TMEM67: variants seen among roughly 807,000 people sequenced by gnomAD.
TMEM67 encodes the protein meckelin.
In TMEM67, 124 loss-of-function variants were observed where a neutral mutation model predicts 136.6. That is an observed-to-expected ratio of 0.91 (90% CI 0.78 to 1.05). TMEM67 has a LOEUF of 1.05. TMEM67 is among the 50% of genes least tolerant of loss of function. The pLI, the probability that TMEM67 is intolerant of heterozygous loss-of-function variation, is 0.00. For synonymous variants in TMEM67, 364 were observed against 390.5 expected, an observed-to-expected ratio of 0.93 and a Z score of 0.80; for missense variants, 1,107 against 1,178.4, an observed-to-expected ratio of 0.94 and a Z score of 0.89.
rs1306398884 is a variant in TMEM67, at chr8:93,817,892, A to G, written c.*1440A>G. 2 of 152,214 alleles carry G rather than the reference A, an allele frequency of 1.3e-5. No individual in the cohort carries two copies. The highest frequency in any genetic ancestry group is 4.8e-5 in the African/African-American group (2 of 41,452). 9.4% of individuals were successfully genotyped at this position (152,214 alleles called of 1,614,324 possible). On this transcript the variant is annotated 3_prime_UTR_variant, in exon 28 of 28. Transcript: ENST00000453321. Reference sequence around the variant, plus strand: ...AGATAAATACATGTACTTATATGGCATGGATATTTAAAACCACTCACTCAG... The same window carrying G: ...AGATAAATACATGTACTTATATGGCGTGGATATTTAAAACCACTCACTCAG...
intron 16 of TMEM67, 37 bp downstream of exon 16, chr8:93,793,333 T>C (rs761281549): frequency 2.0e-6 from 3 of 1,536,452 alleles, no homozygotes; most frequent in Non-Finnish European, 2.7e-6. Flanking sequence ...TATTTTTATC[T>C]TTTGACCATT....
At chr8:93,760,205 G>T (rs1353322904) in intron 3 of TMEM67, among the ~76,000 whole-genome samples, 3 of 152,110 alleles carry the variant, frequency 2.0e-5, no homozygotes, top group Non-Finnish European at 4.4e-5. Context: ...TATATGAAAA[G>T]CTAAGAAAAT....
chr8:93,809,754 T>TGG (rs752889055), intron 25 of TMEM67, 31 bp from the exon 26 acceptor site: 1 of 1,253,742 alleles, frequency 8.0e-7, no homozygotes, highest in South Asian at 1.2e-5. Context: ...CACTACTGTT[T>TGG]GTGAAATGAT....
intron 15 of TMEM67, among the ~76,000 whole-genome samples, chr8:93,792,709 T>C (rs1289957828): frequency 6.6e-6 from 1 of 151,902 alleles, no homozygotes; most frequent in Non-Finnish European, 1.5e-5. Flanking sequence ...TTATTTGTTT[T>C]CTTGTTCAAA....
intron 27 of TMEM67, 92 bp from the exon 28 acceptor site, chr8:93,816,280 G>T: frequency 1.7e-6 from 1 of 594,946 alleles, no homozygotes; most frequent in Non-Finnish European, 3.0e-6. Flanking sequence ...ATAGTTGAGA[G>T]AATTAGCTAA....
intron 14 of TMEM67, among the ~76,000 whole-genome samples, chr8:93,789,840 G>A (rs1316436097): frequency 2.0e-5 from 3 of 151,844 alleles, no homozygotes; most frequent in Non-Finnish European, 4.4e-5. Flanking sequence ...GGAGGCTGAG[G>A]CAGGCAGATC....
rs376103225 is a variant in TMEM67 at position 93,815,314 on chromosome 8, A to T, written c.2774A>T (p.Tyr925Phe). ...EKSIFYNDEG[Y>F]SFSSVLYYGN... Reference sequence around the variant, plus strand: ...TAAATTTTTTTAATAGATGAAGGTTATTCTTTCAGCAGTGTCCTGTATTAT... The same window carrying T: ...TAAATTTTTTTAATAGATGAAGGTTTTTCTTTCAGCAGTGTCCTGTATTAT... The change falls in exon 27 of 28, where the codon TAT (tyrosine) becomes TTT (phenylalanine). Residue 925 changes from tyrosine to phenylalanine, a missense_variant. Physicochemically the swap from Tyr to Phe is conservative, Grantham distance 22 (BLOSUM62 3). Transcript: ENST00000453321. The T allele has an allele frequency of 6.4e-7, 1 of 1,568,666 alleles. No homozygotes were observed. Among genetic ancestry groups the T allele is most frequent in the Non-Finnish European group, 8.7e-7 (1 of 1,153,374 alleles).
At chr8:93,777,335 TTG>T (rs1212739436) in intron 7 of TMEM67, among the ~76,000 whole-genome samples, 4 of 152,204 alleles carry the variant, frequency 2.6e-5, no homozygotes, top group Non-Finnish European at 5.9e-5. Flanking sequence ...GAAGGGTTTT[TTG>T]TGTCTCTATC....
At chr8:93,777,843 G>A (rs1813624597) in intron 7 of TMEM67, among the ~76,000 whole-genome samples, 1 of 152,206 alleles carries the variant, frequency 6.6e-6, no homozygotes, top group African/African-American at 2.4e-5. Context: ...ATTTGGGGTG[G>A]AGAGTTCTGT....
chr8:93,799,395 A>G (rs1024119160), intron 20 of TMEM67, among the ~76,000 whole-genome samples: 1 of 152,178 alleles, frequency 6.6e-6, no homozygotes, highest in Non-Finnish European at 1.5e-5. Context: ...GCCCTTAGTC[A>G]TATTGAGAAG....
chr8:93,796,164 A>C (rs1814605929), intron 18 of TMEM67, among the ~76,000 whole-genome samples, 177 bp downstream of exon 18: 1 of 152,208 alleles, frequency 6.6e-6, no homozygotes, highest in Admixed American at 6.5e-5. Flanking sequence ...CTCAGTCTGA[A>C]ACTCTGCCTT....
chr8:93,785,220 A>G lies in TMEM67; in HGVS notation c.1132-2A>G, dbSNP rs777092269. 10 of 1,553,720 alleles carry G rather than the reference A, an allele frequency of 6.4e-6. No homozygotes were observed. The highest frequency in any genetic ancestry group is 8.9e-7 in the Non-Finnish European group (1 of 1,127,446). On this transcript the variant is annotated splice_acceptor_variant, in intron 11 of 27. Coordinates refer to ENST00000453321, the MANE Select transcript of TMEM67 (RefSeq NM_153704.6). LOFTEE classifies it high-confidence loss of function. ...GCTTTTATTTTTAATTTTACTTTTCAGTGTGAGATTCCTATCTCTAAGATC... is the reference window on the plus strand; with the variant it reads ...GCTTTTATTTTTAATTTTACTTTTCGGTGTGAGATTCCTATCTCTAAGATC...
At chr8:93,829,440 TCCC>T in the TMEM67 span, among the ~76,000 whole-genome samples, 7 of 151,192 alleles carry the variant, frequency 4.6e-5, no homozygotes, top group African/African-American at 1.7e-4. Flanking sequence ...CGTGTTCACT[TCCC>T]AAGCACTAAC....
At chr8:93,804,298 CTCTTTTCTTTTCT>C (rs1473610692) in intron 22 of TMEM67, among the ~76,000 whole-genome samples, 48 of 99,312 alleles carry the variant, frequency 4.8e-4, no homozygotes, top group African/African-American at 1.3e-3. Context: ...CTTTTCTTTT[CTCTTTTCTTTTCT>C]TTTTTTTTTT....
chr8:93,791,103 T>A, intron 14 of TMEM67, 160 bp from the exon 15 acceptor site: 2 of 576,428 alleles, frequency 3.5e-6, no homozygotes, highest in South Asian at 4.8e-5. Flanking sequence ...CTCAAAAGCA[T>A]ATCTATTTAC....
At chr8:93,775,969 T>G (rs1330121148) in intron 7 of TMEM67, among the ~76,000 whole-genome samples, 2 of 152,356 alleles carry the variant, frequency 1.3e-5, no homozygotes, top group Non-Finnish European at 2.9e-5. Context: ...ACGATATTGA[T>G]TCTTCCTATC....
rs1455690955 is a variant in TMEM67 at position 93,755,090 on chromosome 8, C to T, written c.176C>T (p.Ala59Val). Reference sequence around the variant, plus strand: ...AACAACCAGTACTTTGATATCTCCGCCCTCTCGTGTGTTCCTTGTGGAGCT... The same window carrying T: ...AACAACCAGTACTTTGATATCTCCGTCCTCTCGTGTGTTCCTTGTGGAGCT... ...CDNNQYFDIS[A>V]LSCVPCGANQ... is the part of the protein sequence containing the mutation. Residue 59 changes from alanine to valine, a missense_variant, in exon 1 of 28, where the codon GCC becomes GTC. Coordinates refer to ENST00000453321, the MANE Select transcript of TMEM67 (RefSeq NM_153704.6). 1 of 1,614,218 alleles carries T rather than the reference C, an allele frequency of 6.2e-7. No individual in the cohort carries two copies. Among genetic ancestry groups the T allele is most frequent in the East Asian group, 2.2e-5 (1 of 44,892 alleles).
chr8:93,755,219 C>A, intron 1 of TMEM67, 82 bp downstream of exon 1: 2 of 1,293,810 alleles, frequency 1.5e-6, no homozygotes, highest in African/African-American at 1.5e-5. Context: ...GGAGTTTCAC[C>A]ATGTTGATCA....
downstream of TMEM67, among the ~76,000 whole-genome samples, chr8:93,822,124 A>G (rs1303083726): frequency 6.6e-6 from 1 of 152,244 alleles, no homozygotes; most frequent in Non-Finnish European, 1.5e-5. Flanking sequence ...TCCTGTCCTG[A>G]ATAAAGAACT....
Sources: allele counts gnomAD v4.1 joint callset (sites outside exome capture counted in the v4.1 genomes callset), GRCh38; gene constraint gnomAD v4.1.1; transcripts MANE v1.5; gene names NCBI Gene and HGNC (gene_info 2026-07-23, HGNC 2026-07-21).